The following MTAP variants were observed in gnomAD, a reference collection of about 807,000 sequenced individuals.
The protein encoded by MTAP is S-methyl-5'-thioadenosine phosphorylase.
MTAP carries 33 observed loss-of-function variants against 33.6 expected under a neutral mutation model. The observed-to-expected ratio is 0.98, with a 90% confidence interval of 0.74 to 1.31. The LOEUF is 1.31. Ranked by LOEUF, MTAP falls within the 40% of genes most tolerant of loss-of-function variation. The pLI, the probability that MTAP is intolerant of heterozygous loss-of-function variation, is 0.00. For missense variants in MTAP, 367 were observed against 360.0 expected, an observed-to-expected ratio of 1.02 and a Z score of -0.16; for synonymous variants, 148 against 125.7, an observed-to-expected ratio of 1.18 and a Z score of -1.19.
At chr9:21,835,035 G>A (rs369665643) in intron 4 of MTAP, among the ~76,000 whole-genome samples, 1 of 152,140 alleles carries the variant, frequency 6.6e-6, no homozygotes, top group East Asian at 1.9e-4. Context: ...TCACAGTCCT[G>A]GAGGCTGGGA....
chr9:21,931,153 G>A, exon 2 of MTAP: 1 of 753,994 alleles, frequency 1.3e-6, no homozygotes, highest in Non-Finnish European at 2.4e-6. Context: ...GACCTGGCTG[G>A]ATACTGCTTC....
rs930221338 is a variant in MTAP at position 21,842,846 on chromosome 9, C to T, written c.450+4836C>T. On this transcript the variant is annotated intron_variant, in intron 5 of 7. Transcript: ENST00000644715. ...TCACAAGACCTATAAAACAATAATA[C>T]AATGGTGAAAGAACAACGTCTTTAG... Among the ~76,000 whole-genome samples the T allele has an allele frequency of 3.3e-5, 5 of 152,186 alleles. No individual in the cohort carries two copies. In the South Asian group the frequency reaches 6.2e-4, roughly 19 times the overall value.
chr9:21,803,580 C>T (rs1300271708), intron 1 of MTAP, among the ~76,000 whole-genome samples: 3 of 152,064 alleles, frequency 2.0e-5, no homozygotes, highest in Non-Finnish European at 4.4e-5. Context: ...GAGGAGGGCA[C>T]GAGTTCTGAG....
rs759596362 is a variant in MTAP at position 21,837,963 on chromosome 9, G to A, written c.403G>A (p.Val135Met). The A allele has an allele frequency of 2.5e-6, 4 of 1,614,152 alleles. No homozygotes were observed. Among genetic ancestry groups the A allele is most frequent in the Non-Finnish European group, 3.4e-6 (4 of 1,180,010 alleles). The change falls in exon 5 of 8, where the codon GTG becomes ATG. Residue 135 changes from valine to methionine, a missense_variant. Val to Met is a conservative substitution (Grantham distance 21). Transcript: ENST00000644715. ...YDGSHSCARG[V>M]CHIPMAEPFC... ...TGGAAGTCATTCTTGTGCCAGAGGAGTGTGCCATATTCCAATGGCTGAGCC... is the reference window on the plus strand; with the variant it reads ...TGGAAGTCATTCTTGTGCCAGAGGAATGTGCCATATTCCAATGGCTGAGCC...
chr9:21,847,702 A>G (rs1825416330), intron 5 of MTAP, among the ~76,000 whole-genome samples: 1 of 152,182 alleles, frequency 6.6e-6, no homozygotes, highest in African/African-American at 2.4e-5. Context: ...GAAAGAAAAT[A>G]ATGAACTCAG....
chr9:21,914,066 C>CA (rs1167804358), intron 1 of MTAP, among the ~76,000 whole-genome samples: 2 of 152,074 alleles, frequency 1.3e-5, no homozygotes, highest in Non-Finnish European at 2.9e-5. Flanking sequence ...AAATGCAAAT[C>CA]AAAATCACAA....
At chr9:21,855,995 T>C (rs1484342529) in intron 6 of MTAP, 1 of 183,618 alleles carries the variant, frequency 5.4e-6, no homozygotes, top group African/African-American at 2.4e-5. Context: ...TTTTTAACAA[T>C]TTGATCAAAT....
chr9:21,864,041 T>C lies in MTAP; in HGVS notation c.*2027T>C. On this transcript the variant is annotated 3_prime_UTR_variant, in exon 8 of 8. Coordinates refer to ENST00000644715, the MANE Select transcript of MTAP (RefSeq NM_002451.4). ...ATTGTTTTCACTACAATATGATACA[T>C]AGATGGTACCTTACTTTTCCTCATT... The C allele has an allele frequency of 1.0e-6, 1 of 985,562 alleles. No homozygotes were observed. Among genetic ancestry groups the C allele is most frequent in the Non-Finnish European group, 1.2e-6 (1 of 829,928 alleles). 61.1% of individuals were successfully genotyped at this position (985,562 alleles called of 1,614,324 possible).
At position 21,862,010 on chromosome 9, in the gene MTAP, A is replaced by G. The variant is rs750498270; in HGVS notation, c.848A>G (p.His283Arg). Residue 283 changes from histidine to arginine, a missense_variant, in exon 8 of 8, where the codon CAT (histidine) becomes CGT (arginine). His to Arg is a conservative substitution (Grantham distance 29). Coordinates refer to ENST00000644715, the MANE Select transcript of MTAP (RefSeq NM_002451.4). ...MAQFSVLLPRH is the reference protein window; with the variant it reads ...MAQFSVLLPRR ...CAGTTTTCTGTTTTATTACCAAGAC[A>G]TTAAAGTAGCATGGCTGCCCAGGAG... 6.2e-7 allele frequency: 1 copy of G among 1,612,612 alleles called. No homozygotes were observed. Among genetic ancestry groups the G allele is most frequent in the Non-Finnish European group, 8.5e-7 (1 of 1,178,784 alleles).
chr9:21,924,861 G>A (rs796949288), intron 1 of MTAP, among the ~76,000 whole-genome samples: 12 of 152,308 alleles, frequency 7.9e-5, no homozygotes, highest in African/African-American at 2.9e-4. Flanking sequence ...CAGAACTAGG[G>A]AAGTTTATGG....
At chr9:21,929,883 T>C in intron 1 of MTAP, 1 of 332,856 alleles carries the variant, frequency 3.0e-6, no homozygotes, top group Non-Finnish European at 6.0e-6. Context: ...TTTCCCAGTA[T>C]AGCTTGTAAT....
At chr9:21,815,111 A>T (rs979861882) in intron 1 of MTAP, among the ~76,000 whole-genome samples, 48 of 152,262 alleles carry the variant, frequency 3.2e-4, no homozygotes, top group African/African-American at 1.1e-3. Flanking sequence ...TTTAGGTTTG[A>T]TTTTCTACCT....
At chr9:21,928,915 G>T (rs565281322) in intron 1 of MTAP, among the ~76,000 whole-genome samples, 2 of 151,612 alleles carry the variant, frequency 1.3e-5, no homozygotes, top group South Asian at 2.1e-4. Context: ...AAATCACCCA[G>T]TATGTTTCTT....
chr9:21,892,346 G>C (rs1818213735), intron 1 of MTAP: 1 of 152,086 alleles, frequency 6.6e-6, no homozygotes, highest in Non-Finnish European at 1.5e-5. Flanking sequence ...AAAGAAGCAA[G>C]ACTCAACTCT....
At chr9:21,923,809 TA>T (rs148909932) in intron 1 of MTAP, among the ~76,000 whole-genome samples, 17,100 of 147,948 alleles carry the variant, frequency 0.12, 3,116 homozygotes, top group African/African-American at 0.39. Context: ...AAATGGATTA[TA>T]AAAAAAAAAG....
At chr9:21,893,295 A>C (rs968797434) in intron 1 of MTAP, 4 of 152,192 alleles carry the variant, frequency 2.6e-5, no homozygotes, top group Admixed American at 2.6e-4. Flanking sequence ...AAAAACAAAA[A>C]CACAAATAAT....
At chr9:21,827,425 G>A (rs1824850491) in intron 4 of MTAP, among the ~76,000 whole-genome samples, 1 of 152,188 alleles carries the variant, frequency 6.6e-6, no homozygotes, top group African/African-American at 2.4e-5. Context: ...TCTATCAGAA[G>A]CATTCTTGGT....
chr9:21,829,739 T>G (rs1256358943), intron 4 of MTAP, among the ~76,000 whole-genome samples: 1 of 152,230 alleles, frequency 6.6e-6, no homozygotes, highest in Non-Finnish European at 1.5e-5. Context: ...CATCATTTTC[T>G]TTTCCTTCAG....
chr9:21,850,062 C>G (rs1825474966), intron 5 of MTAP, among the ~76,000 whole-genome samples: 1 of 152,226 alleles, frequency 6.6e-6, no homozygotes, highest in African/African-American at 2.4e-5. Flanking sequence ...AACTTGATCG[C>G]TTTTTGCTCC....
Sources: gnomAD v4.1 joint callset for allele counts (sites outside exome capture counted in the v4.1 genomes callset) on GRCh38, gnomAD v4.1.1 for gene constraint, MANE v1.5 for transcripts, NCBI Gene and HGNC (gene_info 2026-07-23, HGNC 2026-07-21) for gene names.